SNX14: variants seen among roughly 807,000 people sequenced by gnomAD.
SNX14 encodes the protein sorting nexin 14.
Under a neutral mutation model 133.8 loss-of-function variants are expected in SNX14, and 93 were observed. That is an observed-to-expected ratio of 0.70 (90% confidence interval 0.59 to 0.83). SNX14 has a LOEUF of 0.83. Among genes scored for constraint, SNX14 ranks in the 40% least tolerant of loss-of-function variants. The pLI, the probability that SNX14 is intolerant of heterozygous loss-of-function variation, is 0.00. For synonymous variants in SNX14, 368 were observed against 365.6 expected (o/e 1.01, Z -0.07); for missense variants, 945 against 1,094.9 (o/e 0.86, Z 1.93).
chr6:85,542,873 TC>T (rs1258014319), intron 14 of SNX14, among the ~76,000 whole-genome samples: 1 of 152,004 alleles, frequency 6.6e-6, no homozygotes, highest in Non-Finnish European at 1.5e-5. Context: ...TTCAAGCTAT[TC>T]TCCTGCCTCA....
intron 1 of SNX14, among the ~76,000 whole-genome samples, chr6:85,577,805 G>GA (rs201115701): frequency 6.0e-5 from 9 of 150,228 alleles, no homozygotes; most frequent in Admixed American, 2.7e-4. Flanking sequence ...CAAACAAACA[G>GA]AAAAAAAAAT....
At chr6:85,572,411 T>C (rs1289536930) in intron 2 of SNX14, 37 bp from the exon 3 acceptor site, 1 of 1,427,190 alleles carries the variant, frequency 7.0e-7, no homozygotes, top group Non-Finnish European at 9.7e-7. Flanking sequence ...GGGAGATCCA[T>C]CTTTACATAA....
At position 85,513,809 on chromosome 6, in the gene SNX14, A is replaced by G; in HGVS notation, c.2644T>C (p.Tyr882His). 1 of 1,608,760 alleles carries G rather than the reference A, an allele frequency of 6.2e-7. No individual in the cohort carries two copies. Among genetic ancestry groups the G allele is most frequent in the Non-Finnish European group, 8.5e-7 (1 of 1,176,014 alleles). The change falls in exon 26 of 29, where the codon TAC becomes CAC. Residue 882 changes from tyrosine (Y) to histidine (H), a missense_variant. Physicochemically the swap from Tyr to His is moderately conservative, Grantham distance 83. Around this residue, in one of 3 missense-constraint regions of SNX14, gnomAD observed 412 missense variants for 516.6 expected, o/e 0.80. Coordinates refer to ENST00000314673, the MANE Select transcript of SNX14 (RefSeq NM_153816.6). ...TTCTTAAATATTACACCTGGAATGT[A>G]ATTCATCATTTCTTCAAAAGTCTGT... ...AKQTFEEMMN[Y>H]IPDLLVKCIG...
intron 10 of SNX14, 35 bp downstream of exon 10, chr6:85,547,471 A>C (rs1288825838): frequency 2.5e-6 from 4 of 1,604,688 alleles, no homozygotes; most frequent in Non-Finnish European, 3.4e-6. Flanking sequence ...AATTCAATGC[A>C]ATCTGAAGTG....
intron 1 of SNX14, among the ~76,000 whole-genome samples, chr6:85,584,191 GC>G (rs1367538556): frequency 6.6e-6 from 1 of 152,190 alleles, no homozygotes; most frequent in Non-Finnish European, 1.5e-5. Flanking sequence ...AAACTGGCTA[GC>G]CATATGCAGA....
At chr6:85,552,575 CTAAACAAGAAAATAATAACA>C (rs1788207294) in intron 7 of SNX14, among the ~76,000 whole-genome samples, 1 of 152,138 alleles carries the variant, frequency 6.6e-6, no homozygotes, top group South Asian at 2.1e-4. Context: ...GAATAACCTG[CTAAACAAGAAAATAATAACA>C]TAAACAATTG....
At chr6:85,588,319 A>C (rs2128240330) in intron 1 of SNX14, among the ~76,000 whole-genome samples, 1 of 152,104 alleles carries the variant, frequency 6.6e-6, no homozygotes, top group Non-Finnish European at 1.5e-5. Flanking sequence ...CACGCCTGTA[A>C]TCCCAGCACT....
intron 1 of SNX14, among the ~76,000 whole-genome samples, chr6:85,578,237 C>G (rs530223778): frequency 6.6e-6 from 1 of 152,154 alleles, no homozygotes; most frequent in African/African-American, 2.4e-5. Context: ...ATGTCTCTTT[C>G]CCAACACCAC....
intron 20 of SNX14, among the ~76,000 whole-genome samples, chr6:85,528,061 T>C (rs1779046824): frequency 6.6e-6 from 1 of 152,098 alleles, no homozygotes; most frequent in East Asian, 1.9e-4. Context: ...TATCTTGCAT[T>C]TCATTCAATT....
intron 16 of SNX14, 82 bp from the exon 17 acceptor site, chr6:85,537,006 A>AG (rs397763852): frequency 7.0e-7 from 1 of 1,422,550 alleles, no homozygotes; most frequent in Non-Finnish European, 9.4e-7. Context: ...ATTAAAAAAA[A>AG]GAAAAACAGT....
chr6:85,571,439 G>C (rs1354975486), intron 4 of SNX14, among the ~76,000 whole-genome samples: 2 of 151,664 alleles, frequency 1.3e-5, no homozygotes, highest in African/African-American at 4.8e-5. Flanking sequence ...GATACAAAAT[G>C]GGATAAAGAA....
In SNX14 at chr6:85,593,650, C is replaced by T. The variant is rs1803710451; in HGVS notation, c.69G>A (p.Glu23=). 2 of 1,612,768 alleles carry T rather than the reference C, an allele frequency of 1.2e-6. No homozygotes were observed. The highest frequency in any genetic ancestry group is 8.5e-7 in the Non-Finnish European group (1 of 1,179,898). The stretch of plus-strand genomic sequence containing the variant: ...AGAACAGCGGGTACTGGCGGCAGAT[C>T]TCGCGTCCCACGTCCAGTCGCAGCC... ...KQRLRLDVGR[E]ICRQYPLFCF... Residue 23 remains glutamate, a synonymous_variant, in exon 1 of 29, where the codon GAG becomes GAA. Coordinates refer to ENST00000314673, the MANE Select transcript of SNX14 (RefSeq NM_153816.6).
At chr6:85,578,610 A>G (rs554773141) in intron 1 of SNX14, among the ~76,000 whole-genome samples, 4 of 152,324 alleles carry the variant, frequency 2.6e-5, no homozygotes, top group Admixed American at 2.6e-4. Context: ...AATGGAAGGG[A>G]TGGAGTTAAA....
At chr6:85,544,794 A>G (rs1219032845) in intron 12 of SNX14, among the ~76,000 whole-genome samples, 1 of 152,206 alleles carries the variant, frequency 6.6e-6, no homozygotes, top group African/African-American at 2.4e-5. Context: ...ATTTATCTCC[A>G]GCATATTTGT....
intron 1 of SNX14, among the ~76,000 whole-genome samples, chr6:85,574,673 T>C (rs976702184): frequency 1.3e-5 from 2 of 152,214 alleles, no homozygotes; most frequent in East Asian, 1.9e-4. Context: ...GATGATATTG[T>C]AGTATTCATA....
chr6:85,561,492 G>T (rs1218224099), intron 6 of SNX14, among the ~76,000 whole-genome samples: 1 of 152,054 alleles, frequency 6.6e-6, no homozygotes, highest in Non-Finnish European at 1.5e-5. Context: ...TAAATGGTTT[G>T]TCATCAACCA....
chr6:85,535,341 G>A (rs552303169), intron 17 of SNX14, among the ~76,000 whole-genome samples: 84 of 151,716 alleles, frequency 5.5e-4, no homozygotes, highest in Non-Finnish European at 8.8e-4. Flanking sequence ...AAGGCTGGGT[G>A]CAGTGGTTCA....
rs145767351 is a variant in SNX14 at position 85,531,720 on chromosome 6, A to C, written c.1811-1445T>G. Among the ~76,000 whole-genome samples, 1,242 of 152,252 alleles carry C rather than the reference A, an allele frequency of 8.2e-3. 10 individuals carry two copies. Among genetic ancestry groups the C allele is most frequent in the Middle Eastern group, 0.034 (10 of 294 alleles). ...GAAGTCTGCAGCACTGTTGACAAAA[A>C]TTATCTTTAAAATACAAGCTTTTGG... On this transcript the variant is annotated intron_variant, in intron 18 of 28. Coordinates refer to ENST00000314673, the MANE Select transcript of SNX14 (RefSeq NM_153816.6).
chr6:85,586,161 A>C (rs553219591), intron 1 of SNX14, among the ~76,000 whole-genome samples: 1 of 152,328 alleles, frequency 6.6e-6, no homozygotes, highest in African/African-American at 2.4e-5. Flanking sequence ...CAAGGAGAAA[A>C]AAATGGTGAG....
Sources: allele counts gnomAD v4.1 joint callset (sites outside exome capture counted in the v4.1 genomes callset), GRCh38; gene constraint gnomAD v4.1.1; regional missense constraint gnomAD v4.1.1; transcripts MANE v1.5; gene names NCBI Gene and HGNC (gene_info 2026-07-23, HGNC 2026-07-21).